The following ABCA9 variants were observed in gnomAD, a reference collection of about 807,000 sequenced individuals.
ABCA9 encodes the protein ATP-binding cassette sub-family A member 9.
A neutral mutation model predicts 205.3 loss-of-function variants in ABCA9; 183 were observed. That is an observed-to-expected ratio of 0.89 (90% CI 0.79 to 1.01). The LOEUF (loss-of-function observed/expected upper bound fraction) is 1.01. Among genes scored for constraint, ABCA9 ranks in the 50% least tolerant of loss-of-function variants. ABCA9 has a pLI of 0.00. For synonymous variants in ABCA9, 651 were observed against 683.3 expected (o/e 0.95, Z 0.74); for missense variants, 1,805 against 1,912.4 (o/e 0.94, Z 1.05).
upstream of ABCA9, among the ~76,000 whole-genome samples, chr17:69,064,447 T>C (rs2072322833): frequency 6.6e-6 from 1 of 152,220 alleles, no homozygotes; most frequent in Admixed American, 6.5e-5. Context: ...GTTAGCATAT[T>C]TGAACTTAAA....
upstream of ABCA9, among the ~76,000 whole-genome samples, chr17:69,063,886 A>C (rs1234878883): frequency 1.3e-5 from 2 of 152,142 alleles, no homozygotes; most frequent in African/African-American, 4.8e-5. Context: ...TTGTTTCTTA[A>C]AAATGTAATA....
At chr17:69,009,570 T>C (rs1216783857) in intron 23 of ABCA9, among the ~76,000 whole-genome samples, 1 of 152,200 alleles carries the variant, frequency 6.6e-6, no homozygotes, top group East Asian at 1.9e-4. Context: ...TGCTCCTTGG[T>C]ATGACGAGAA....
At chr17:69,068,672 T>A in the ABCA9 span, among the ~76,000 whole-genome samples, 1 of 152,298 alleles carries the variant, frequency 6.6e-6, no homozygotes, top group African/African-American at 2.4e-5. Context: ...AACTGAGATT[T>A]CTATTTTATG....
chr17:69,038,369 A>G (rs1236613693), intron 6 of ABCA9, among the ~76,000 whole-genome samples: 1 of 152,178 alleles, frequency 6.6e-6, no homozygotes, highest in African/African-American at 2.4e-5. Flanking sequence ...TTTATCCACC[A>G]TGATCAACTT....
intron 19 of ABCA9, among the ~76,000 whole-genome samples, chr17:69,019,516 A>G (rs145694054): frequency 9.9e-4 from 150 of 152,154 alleles, no homozygotes; most frequent in African/African-American, 3.5e-3. Context: ...TGAGCTTTCT[A>G]TTTTGACATA....
At chr17:69,024,948 A>G (rs2070932535) in intron 16 of ABCA9, among the ~76,000 whole-genome samples, 1 of 152,190 alleles carries the variant, frequency 6.6e-6, no homozygotes, top group African/African-American at 2.4e-5. Flanking sequence ...TGTTAATCAC[A>G]TACATTGAAA....
At chr17:69,056,342 G>C (rs1202270250) in intron 1 of ABCA9, among the ~76,000 whole-genome samples, 1 of 152,134 alleles carries the variant, frequency 6.6e-6, no homozygotes, top group Non-Finnish European at 1.5e-5. Flanking sequence ...CATCACTACA[G>C]ATCTCATAGA....
intron 10 of ABCA9, among the ~76,000 whole-genome samples, chr17:69,031,839 A>G (rs1449086390): frequency 1.3e-5 from 2 of 152,250 alleles, no homozygotes; most frequent in East Asian, 3.8e-4. Flanking sequence ...AGGAGAAATA[A>G]GAAAGATAAT....
chr17:69,039,552 A>T (rs1375473988), intron 6 of ABCA9, among the ~76,000 whole-genome samples: 1 of 152,186 alleles, frequency 6.6e-6, no homozygotes, highest in Admixed American at 6.5e-5. Context: ...TACAAAAATT[A>T]ACTCAAGATG....
chr17:69,020,374 ACT>A lies in ABCA9; in HGVS notation c.2600+12_2600+13del. The stretch of plus-strand genomic sequence containing the variant: ...TTCACAGACAAAACAAATCTGAAAC[ACT>A]CAGATACTCACATAGTCCACAGGCT... On this transcript the variant is annotated intron_variant, in intron 19 of 38. Transcript: ENST00000340001. 1 of 1,584,558 alleles carries A rather than the reference ACT, an allele frequency of 6.3e-7. No individual in the cohort carries two copies. The highest frequency in any genetic ancestry group is 1.2e-5 in the South Asian group (1 of 84,756).
At chr17:69,000,016 C>A (rs2069789070) in intron 25 of ABCA9, among the ~76,000 whole-genome samples, 1 of 152,042 alleles carries the variant, frequency 6.6e-6, no homozygotes, top group South Asian at 2.1e-4. Flanking sequence ...ATTGTAGATT[C>A]TGGATATTAG....
At chr17:68,989,255 C>G in intron 30 of ABCA9, 137 bp from the exon 31 acceptor site, 1 of 434,738 alleles carries the variant, frequency 2.3e-6, no homozygotes, top group Non-Finnish European at 4.1e-6. Context: ...CTCTCTCTCT[C>G]TCACACACAC....
At chr17:68,976,801 G>T (rs1249442953) in intron 37 of ABCA9, among the ~76,000 whole-genome samples, 1 of 152,172 alleles carries the variant, frequency 6.6e-6, no homozygotes, top group East Asian at 1.9e-4. Flanking sequence ...TTTGCAAAGA[G>T]TCTTCTGATA....
intron 3 of ABCA9, among the ~76,000 whole-genome samples, chr17:69,047,094 T>C (rs2071744115): frequency 6.6e-6 from 1 of 151,302 alleles, no homozygotes; most frequent in Non-Finnish European, 1.5e-5. Flanking sequence ...CCCAAGTAGC[T>C]GAGATTACAG....
intron 9 of ABCA9, chr17:69,032,480 ATGAGAAGC>A: frequency 2.2e-6 from 1 of 453,042 alleles, no homozygotes; most frequent in South Asian, 4.7e-5. Flanking sequence ...CGTTTTTAAC[ATGAGAAGC>A]ATGTAGCATT....
chr17:68,983,742 A>C lies in ABCA9; in HGVS notation c.4607T>G (p.Leu1536Arg), dbSNP rs764161669. The C allele has an allele frequency of 6.2e-7, 1 of 1,614,224 alleles. No homozygotes were observed. The highest frequency in any genetic ancestry group is 1.1e-5 in the South Asian group (1 of 91,086). ...AQMEPLHAEI[L>R]RLFPQAAQQE... ...CTGAGCAGCCTGGGGGAAAAGCCTCAGGATCTCTGCATGGAGGGGCTCCAT... is the reference window on the plus strand; with the variant it reads ...CTGAGCAGCCTGGGGGAAAAGCCTCCGGATCTCTGCATGGAGGGGCTCCAT... The change falls in exon 36 of 39, where the codon CTG becomes CGG. Residue 1536 changes from leucine to arginine, a missense_variant. Leu to Arg is a moderately radical substitution (Grantham distance 102). Coordinates refer to ENST00000340001, the MANE Select transcript of ABCA9 (RefSeq NM_080283.4).
At chr17:69,049,565 G>A (rs1041301551) in intron 2 of ABCA9, 75 bp from the exon 3 acceptor site, 34 of 1,196,610 alleles carry the variant, frequency 2.8e-5, no homozygotes, top group Non-Finnish European at 3.8e-5. Flanking sequence ...CAAACAGTTT[G>A]AAATACTTAA....
chr17:69,038,830 C>T (rs1251339116), intron 6 of ABCA9, among the ~76,000 whole-genome samples: 1 of 152,124 alleles, frequency 6.6e-6, no homozygotes, highest in Non-Finnish European at 1.5e-5. Context: ...ATCGTCTCAG[C>T]CCAAAAACTC....
At chr17:69,047,802 C>A (rs1222173740) in intron 3 of ABCA9, among the ~76,000 whole-genome samples, 1 of 152,170 alleles carries the variant, frequency 6.6e-6, no homozygotes, top group Non-Finnish European at 1.5e-5. Context: ...CCCCATCCTG[C>A]AAATTTCACG....
Sources: allele counts gnomAD v4.1 joint callset (sites outside exome capture counted in the v4.1 genomes callset), GRCh38; gene constraint gnomAD v4.1.1; transcripts MANE v1.5; gene names NCBI Gene and HGNC (gene_info 2026-07-23, HGNC 2026-07-21).